CEP63: variants seen among roughly 807,000 people sequenced by gnomAD.
CEP63 encodes the protein centrosomal protein 63.
A neutral mutation model predicts 89.1 loss-of-function variants in CEP63; 84 were observed. The observed-to-expected ratio is 0.94, with a 90% CI of 0.79 to 1.13. CEP63 has a LOEUF of 1.13. Ranked by LOEUF, CEP63 falls within the 50% of genes most tolerant of loss-of-function variation. CEP63 has a pLI of 0.00. For synonymous variants in CEP63, 267 were observed against 272.5 expected (o/e 0.98, Z 0.20); for missense variants, 838 against 813.3 (o/e 1.03, Z -0.37).
chr3:134,741,219 C>T, the CEP63 span, among the ~76,000 whole-genome samples: 1 of 152,186 alleles, frequency 6.6e-6, no homozygotes, highest in East Asian at 1.9e-4. Flanking sequence ...CAACCAAGGC[C>T]CATAGTCCAG....
intron 11 of CEP63, among the ~76,000 whole-genome samples, chr3:134,572,472 G>A (rs1958052462): frequency 6.6e-6 from 1 of 152,046 alleles, no homozygotes; most frequent in South Asian, 2.1e-4. Flanking sequence ...ACTACCCAAT[G>A]TCTAGCTCTC....
chr3:134,699,177 T>C, the CEP63 span, among the ~76,000 whole-genome samples: 1 of 152,318 alleles, frequency 6.6e-6, no homozygotes, highest in Non-Finnish European at 1.5e-5. Flanking sequence ...ATCACCTCTG[T>C]ATCCCCTGTG....
At chr3:134,490,829 G>A (rs924063354) in intron 1 of CEP63, among the ~76,000 whole-genome samples, 2 of 151,950 alleles carry the variant, frequency 1.3e-5, no homozygotes, top group African/African-American at 4.8e-5. Context: ...GGTAAAATGT[G>A]CTATTATGTA....
intron 3 of CEP63, among the ~76,000 whole-genome samples, chr3:134,531,560 C>T (rs376214804): frequency 1.4e-4 from 21 of 152,012 alleles, no homozygotes; most frequent in East Asian, 5.8e-4. Context: ...CCAGCCTGGG[C>T]GAGAGTGAGA....
chr3:134,780,429 G>A, the CEP63 span: 1 of 152,070 alleles, frequency 6.6e-6, no homozygotes, highest in Non-Finnish European at 1.5e-5. Context: ...CCCATCCCCT[G>A]GTAACCACTA....
chr3:134,553,236 A>T (rs970509249), intron 12 of CEP63: 1 of 152,144 alleles, frequency 6.6e-6, no homozygotes, highest in East Asian at 1.9e-4. Flanking sequence ...CATGCAAAAG[A>T]CTATTATAGA....
rs777316427 is a variant in CEP63, at chr3:134,545,811, C to G, written c.781C>G (p.Leu261Val). ...AGAAAAATTGAGGGAATCTGAAAAA[C>G]TATTAGAGGTATGTTTTAAAATCAC... The part of the protein sequence containing the change: ...KEEKLRESEK[L>V]LEALQEEKRE... The change falls in exon 7 of 15, where the codon CTA (leucine) becomes GTA (valine). Residue 261 changes from leucine (L) to valine (V), a missense_variant. Transcript: ENST00000675561. 6.8e-6 allele frequency: 11 copies of G among 1,609,266 alleles called. No homozygotes were observed. Among genetic ancestry groups the G allele is most frequent in the Non-Finnish European group, 8.5e-6 (10 of 1,176,068 alleles).
At chr3:134,559,025 G>A in intron 13 of CEP63, 125 bp from the exon 14 acceptor site, 4 of 905,712 alleles carry the variant, frequency 4.4e-6, no homozygotes, top group Non-Finnish European at 6.9e-6. Context: ...GATCTGAGTA[G>A]GTTGCTCATT....
chr3:134,643,478 G>T, the CEP63 span: 3 of 947,792 alleles, frequency 3.2e-6, no homozygotes, highest in South Asian at 4.3e-5. Flanking sequence ...GGGCTGGCGG[G>T]GGCCAAGCAC....
chr3:134,527,687 C>G (rs1004210960), intron 3 of CEP63, among the ~76,000 whole-genome samples: 1 of 152,174 alleles, frequency 6.6e-6, no homozygotes, highest in African/African-American at 2.4e-5. Flanking sequence ...GGGGGCCACT[C>G]TGCTGGAGCT....
chr3:134,701,216 G>GTGTATATATACGTATATA, the CEP63 span, among the ~76,000 whole-genome samples: 1 of 172 alleles, frequency 5.8e-3, no homozygotes, highest in African/African-American at 0.011. Flanking sequence ...ACGTATATAT[G>GTGTATATATACGTATATA]TGTGTATATA....
chr3:134,756,951 T>C, the CEP63 span, among the ~76,000 whole-genome samples: 1 of 152,150 alleles, frequency 6.6e-6, no homozygotes, highest in Non-Finnish European at 1.5e-5. Context: ...CAGAGAATCT[T>C]GTAGCAATCA....
In CEP63 at chr3:134,507,209, G is replaced by A; in HGVS notation, c.145G>A (p.Ala49Thr). 1 of 1,613,658 alleles carries A rather than the reference G, an allele frequency of 6.2e-7. No homozygotes were observed. Among genetic ancestry groups the A allele is most frequent in the Non-Finnish European group, 8.5e-7 (1 of 1,179,748 alleles). Residue 49 changes from alanine to threonine, a missense_variant, in exon 3 of 15, where the codon GCT (alanine) becomes ACT (threonine). Coordinates refer to ENST00000675561, the MANE Select transcript of CEP63 (RefSeq NM_001353108.3). The stretch of plus-strand genomic sequence containing the variant: ...ATCTGAATGGGAAGGACGTACACAT[G>A]CTCTAGAAACTTGCTTGAAAATCCG... ...KKSEWEGRTH[A>T]LETCLKIREQ...
chr3:134,682,439 CA>C, the CEP63 span, among the ~76,000 whole-genome samples: 1 of 152,150 alleles, frequency 6.6e-6, no homozygotes, highest in South Asian at 2.1e-4. Context: ...AAGCCAATAG[CA>C]AAAGCTCTAA....
the CEP63 span, chr3:134,650,720 T>C: frequency 2.7e-6 from 3 of 1,117,486 alleles, no homozygotes; most frequent in South Asian, 5.0e-5. Flanking sequence ...TCGGGTTCGC[T>C]GACCTCGTTC....
chr3:134,490,475 T>A (rs1403064892), intron 1 of CEP63, among the ~76,000 whole-genome samples: 1 of 152,166 alleles, frequency 6.6e-6, no homozygotes, highest in Non-Finnish European at 1.5e-5. Flanking sequence ...TCTAGGAAAG[T>A]GTATAGTAAA....
At chr3:134,707,791 C>G in the CEP63 span, among the ~76,000 whole-genome samples, 1 of 123,388 alleles carries the variant, frequency 8.1e-6, no homozygotes, top group Non-Finnish European at 1.6e-5. Flanking sequence ...TTGAGGTGAA[C>G]TGGAATTGAT....
chr3:134,647,473 A>G, the CEP63 span: 7 of 1,612,210 alleles, frequency 4.3e-6, no homozygotes, highest in Non-Finnish European at 5.9e-6. Flanking sequence ...CCATCTTCGG[A>G]CTCCATTTCC....
intron 5 of CEP63, chr3:134,536,329 T>TTGAA (rs1173815545): frequency 2.0e-5 from 3 of 152,568 alleles, no homozygotes; most frequent in Non-Finnish European, 4.4e-5. Context: ...AGTAGAATGA[T>TTGAA]TGAATGAATG....
Sources: allele counts gnomAD v4.1 joint callset (sites outside exome capture counted in the v4.1 genomes callset), GRCh38; gene constraint gnomAD v4.1.1; transcripts MANE v1.5; gene names NCBI Gene and HGNC (gene_info 2026-07-23, HGNC 2026-07-21).